Variants in MED27 observed in about 807,000 individuals in gnomAD.
The protein encoded by MED27 is mediator complex subunit 27, also known as mediator of RNA polymerase II transcription subunit 27.
A neutral mutation model predicts 38.2 loss-of-function variants in MED27; 30 were observed. That is an observed-to-expected ratio of 0.79 (90% CI 0.59 to 1.07). MED27 has a LOEUF of 1.07. Ranked by LOEUF, MED27 falls within the 50% of genes least tolerant of loss-of-function variation. The pLI, the probability that MED27 is intolerant of heterozygous loss-of-function variation, is 0.00. For missense variants in MED27, 289 were observed against 397.5 expected (o/e 0.73, Z 2.32); for synonymous variants, 122 against 153.5 (o/e 0.79, Z 1.52).
At chr9:131,974,347 C>T (rs1250560974) in intron 3 of MED27, among the ~76,000 whole-genome samples, 7 of 152,214 alleles carry the variant, frequency 4.6e-5, no homozygotes, top group Non-Finnish European at 1.5e-5. Context: ...CCAGGCTTAA[C>T]GGATATACAG....
At chr9:132,001,282 T>C (rs1363537017) in intron 3 of MED27, among the ~76,000 whole-genome samples, 1 of 152,132 alleles carries the variant, frequency 6.6e-6, no homozygotes, top group African/African-American at 2.4e-5. Flanking sequence ...TGATTATGTT[T>C]GAGTAAGGTG....
chr9:131,945,038 C>A (rs1356831925), intron 3 of MED27, among the ~76,000 whole-genome samples: 1 of 148,238 alleles, frequency 6.7e-6, no homozygotes, highest in Non-Finnish European at 1.5e-5. Context: ...GAATGGTTAA[C>A]TTTCATTTTT....
chr9:131,878,492 G>T (rs1838977356), intron 6 of MED27, among the ~76,000 whole-genome samples: 1 of 152,008 alleles, frequency 6.6e-6, no homozygotes, highest in African/African-American at 2.4e-5. Context: ...ACATCTGCGG[G>T]CTACTTTCAT....
rs1830309043 is a variant in MED27 at position 131,917,273 on chromosome 9, G to C, written c.573+22108C>G. Among the ~76,000 whole-genome samples the C allele has an allele frequency of 6.6e-6, 1 of 152,116 alleles. No homozygotes were observed. The highest frequency in any genetic ancestry group is 2.4e-5 in the African/African-American group (1 of 41,398). ...ACAGTGCCTCCACTGAGAAACATTA[G>C]AGAATACTGAGGATACCCAGGGAAG... On this transcript the variant is annotated intron_variant, in intron 4 of 7. Coordinates refer to ENST00000292035, the MANE Select transcript of MED27 (RefSeq NM_004269.4). The surrounding 1 kb of genome is among the most constrained non-coding windows in gnomAD (Gnocchi z 4.6).
At chr9:131,980,167 C>A (rs1356567599) in intron 3 of MED27, among the ~76,000 whole-genome samples, 1 of 133,670 alleles carries the variant, frequency 7.5e-6, no homozygotes, top group Non-Finnish European at 1.5e-5. Context: ...TACACACACA[C>A]GTATGTATAA....
intron 6 of MED27, among the ~76,000 whole-genome samples, chr9:131,879,151 C>T (rs971400940): frequency 6.6e-6 from 1 of 152,224 alleles, no homozygotes; most frequent in Admixed American, 6.5e-5. Context: ...TGTAAGCCAG[C>T]GGGTCAGGCA....
intron 6 of MED27, among the ~76,000 whole-genome samples, chr9:131,863,576 A>G (rs1168778800): frequency 6.6e-6 from 1 of 152,196 alleles, no homozygotes; most frequent in Non-Finnish European, 1.5e-5. Context: ...CAACAGGGCA[A>G]TTGGTCTCTT....
rs1186620226 is a variant in MED27, at chr9:132,003,765, G to A, written c.479+10572C>T. Reference sequence around the variant, plus strand: ...CCACCACCCAGTACTTTTGGGAAGGGGGGATTGGAGTATTTTAAAGTGAAT... The same window carrying A: ...CCACCACCCAGTACTTTTGGGAAGGAGGGATTGGAGTATTTTAAAGTGAAT... On this transcript the variant is annotated intron_variant, in intron 3 of 7. Transcript: ENST00000292035. The surrounding 1 kb of genome is among the most constrained non-coding windows in gnomAD (Gnocchi z 4.2). Among the ~76,000 whole-genome samples the A allele has an allele frequency of 6.6e-6, 1 of 152,146 alleles. No homozygotes were observed. Among genetic ancestry groups the A allele is most frequent in the Non-Finnish European group, 1.5e-5 (1 of 68,042 alleles).
Position 131,972,651 on chromosome 9 carries a change from G to C in MED27, c.480-33177C>G, listed in dbSNP as rs1215520078. ...TCCAAGTCCCTGGGCTGAATGAAGA[G>C]AGACTCAGGTAGGGGTAATGCTTTC... is the stretch of plus-strand genomic sequence containing the variant. On this transcript the variant is annotated intron_variant, in intron 3 of 7. Transcript: ENST00000292035. Among the ~76,000 whole-genome samples, 9 of 152,354 alleles carry C rather than the reference G, an allele frequency of 5.9e-5. No individual in the cohort carries two copies. The East Asian group carries it at 1.5e-3, about 26-fold the overall frequency.
At chr9:132,055,715 C>T (rs573472159) in intron 2 of MED27, among the ~76,000 whole-genome samples, 10 of 152,296 alleles carry the variant, frequency 6.6e-5, no homozygotes, top group South Asian at 6.2e-4. Flanking sequence ...ATTATCCATC[C>T]GTTCACTGGA....
intron 6 of MED27, among the ~76,000 whole-genome samples, chr9:131,870,545 G>A (rs2131458838): frequency 6.6e-6 from 1 of 152,172 alleles, no homozygotes; most frequent in East Asian, 1.9e-4. Flanking sequence ...GAGCTGCTAG[G>A]TGGCACAGCA....
At chr9:131,981,212 T>A (rs1831728175) in intron 3 of MED27, among the ~76,000 whole-genome samples, 2 of 152,264 alleles carry the variant, frequency 1.3e-5, no homozygotes, top group Non-Finnish European at 2.9e-5. Flanking sequence ...TATAAACATT[T>A]GCTCATTCAC....
chr9:132,017,592 C>A (rs1027173561), intron 2 of MED27, among the ~76,000 whole-genome samples: 3 of 152,016 alleles, frequency 2.0e-5, no homozygotes, highest in African/African-American at 7.2e-5. Context: ...CTTACAAGTG[C>A]GGGGAATGGG....
intron 3 of MED27, among the ~76,000 whole-genome samples, chr9:132,012,039 G>A (rs1266575386): frequency 6.6e-6 from 1 of 150,742 alleles, no homozygotes; most frequent in Non-Finnish European, 1.5e-5. Flanking sequence ...CATGTCACCT[G>A]TAAACAGGTT....
At chr9:131,895,573 G>A (rs1365035956) in intron 4 of MED27, among the ~76,000 whole-genome samples, 2 of 152,286 alleles carry the variant, frequency 1.3e-5, no homozygotes, top group South Asian at 2.1e-4. Flanking sequence ...AATTTCAAGC[G>A]TTAGGTTGAT....
chr9:131,930,739 G>A (rs948373117), intron 4 of MED27, among the ~76,000 whole-genome samples: 11 of 152,082 alleles, frequency 7.2e-5, no homozygotes, highest in South Asian at 2.1e-4. Flanking sequence ...CTGTAATTGC[G>A]CTGTGAAAAC....
intron 2 of MED27, among the ~76,000 whole-genome samples, chr9:132,030,318 A>G (rs961914802): frequency 6.6e-6 from 1 of 152,162 alleles, no homozygotes; most frequent in African/African-American, 2.4e-5. Context: ...TTCAGCTTCT[A>G]ACACTGCCAT....
intron 3 of MED27, among the ~76,000 whole-genome samples, chr9:132,008,208 C>T (rs999172782): frequency 4.6e-5 from 7 of 152,236 alleles, no homozygotes; most frequent in Admixed American, 2.6e-4. Flanking sequence ...ATCGAGGCTG[C>T]TATCTAAGAT....
At chr9:132,049,978 A>G (rs910229994) in intron 2 of MED27, among the ~76,000 whole-genome samples, 13 of 152,220 alleles carry the variant, frequency 8.5e-5, no homozygotes, top group Admixed American at 2.0e-4. Flanking sequence ...TAACACTACA[A>G]AGAGTCCTTG....
Sources: allele counts gnomAD v4.1 joint callset (sites outside exome capture counted in the v4.1 genomes callset), GRCh38; gene constraint gnomAD v4.1.1; non-coding constraint Gnocchi (gnomAD v3.1); transcripts MANE v1.5; gene names NCBI Gene and HGNC (gene_info 2026-07-23, HGNC 2026-07-21).